The following IGFL2 variants were observed in gnomAD, a reference collection of about 807,000 sequenced individuals.
IGFL2 encodes the protein IGF like family member 2, also known as insulin growth factor-like family member 2.
In IGFL2, 7 loss-of-function variants were observed where a neutral mutation model predicts 13.9. The ratio of observed to expected loss-of-function variants is 0.51; its 90% confidence interval spans 0.29 to 0.95. IGFL2 has a LOEUF of 0.95. Ranked by LOEUF, IGFL2 falls within the 40% of genes least tolerant of loss-of-function variation. The pLI, the probability that IGFL2 is intolerant of heterozygous loss-of-function variation, is 0.08. For synonymous variants in IGFL2, 55 were observed against 55.8 expected (o/e 0.99, Z 0.07); for missense variants, 138 against 147.8 (o/e 0.93, Z 0.34).
chr19:46,202,241 A>G, the IGFL2 span, among the ~76,000 whole-genome samples: 1 of 152,134 alleles, frequency 6.6e-6, no homozygotes, highest in East Asian at 1.9e-4. Context: ...ACCTCAGACC[A>G]TTTGCCCATT....
chr19:46,104,595 A>T, the IGFL2 span, among the ~76,000 whole-genome samples: 1 of 152,186 alleles, frequency 6.6e-6, no homozygotes, highest in African/African-American at 2.4e-5. Context: ...TACCCAGACC[A>T]AGAGGTATTT....
Position 46,161,118 on chromosome 19 carries a change from T to A in IGFL2, c.*30T>A. On this transcript the variant is annotated 3_prime_UTR_variant, in exon 4 of 4. Transcript: ENST00000377693. ...ACATAGAAAGAAAATCAACTTTCAC[T>A]AAGGCATCTCAGAAACATAGGCTAA... The A allele has an allele frequency of 6.4e-7, 1 of 1,557,892 alleles. No homozygotes were observed. Among genetic ancestry groups the A allele is most frequent in the Admixed American group, 1.8e-5 (1 of 54,474 alleles).
chr19:46,168,623 A>C, the IGFL2 span, among the ~76,000 whole-genome samples: 2 of 152,302 alleles, frequency 1.3e-5, no homozygotes, highest in African/African-American at 2.4e-5. Flanking sequence ...CTGTAAACCC[A>C]TGAAAACTGA....
downstream of IGFL2, chr19:46,164,234 C>A (rs1974289341): frequency 6.6e-6 from 1 of 151,944 alleles, no homozygotes; most frequent in African/African-American, 2.4e-5. Flanking sequence ...ATGGAGAACA[C>A]AAACAGGGGT....
chr19:46,207,582 A>T, the IGFL2 span: 2 of 152,114 alleles, frequency 1.3e-5, no homozygotes, highest in Non-Finnish European at 2.9e-5. Context: ...GGGTTTCGTC[A>T]TGTTGGCCAG....
intron 1 of IGFL2, chr19:46,159,079 C>T (rs1010576126): frequency 6.6e-6 from 1 of 152,220 alleles, no homozygotes; most frequent in Non-Finnish European, 1.5e-5. Context: ...ACCACATGCC[C>T]TTTGGATCCT....
chr19:46,206,517 A>G, the IGFL2 span, among the ~76,000 whole-genome samples: 6 of 152,220 alleles, frequency 3.9e-5, no homozygotes, highest in Non-Finnish European at 8.8e-5. Flanking sequence ...ATGCCCGGAC[A>G]GGTAGTCAGT....
the IGFL2 span, among the ~76,000 whole-genome samples, chr19:46,199,801 G>T: frequency 6.6e-6 from 1 of 152,270 alleles, no homozygotes; most frequent in Non-Finnish European, 1.5e-5. Flanking sequence ...ATTGGGAGAT[G>T]TGTTGGGACA....
chr19:46,174,767 A>G, the IGFL2 span, among the ~76,000 whole-genome samples: 2 of 152,178 alleles, frequency 1.3e-5, no homozygotes, highest in Admixed American at 1.3e-4. Context: ...GGTGACTCCA[A>G]CCAAATTCCC....
chr19:46,088,117 C>T, the IGFL2 span, among the ~76,000 whole-genome samples: 1 of 152,322 alleles, frequency 6.6e-6, no homozygotes, highest in South Asian at 2.1e-4. Flanking sequence ...CGGCAGGCCA[C>T]TTCACTTTTC....
At chr19:46,173,850 C>T in the IGFL2 span, 4 of 152,342 alleles carry the variant, frequency 2.6e-5, no homozygotes, top group East Asian at 7.7e-4. Flanking sequence ...GATGCTGTGC[C>T]AGATGTTGTG....
chr19:46,208,475 A>G, the IGFL2 span: 1 of 151,942 alleles, frequency 6.6e-6, no homozygotes, highest in African/African-American at 2.4e-5. Flanking sequence ...AAGGTGTTGC[A>G]TTCTCTCGGA....
At chr19:46,174,617 A>C in the IGFL2 span, among the ~76,000 whole-genome samples, 1 of 152,162 alleles carries the variant, frequency 6.6e-6, no homozygotes, top group African/African-American at 2.4e-5. Context: ...TAAATGTATG[A>C]GGAGTGGGTA....
At chr19:46,163,534 T>G (rs1165273423), downstream of IGFL2, among the ~76,000 whole-genome samples, 1 of 152,218 alleles carries the variant, frequency 6.6e-6, no homozygotes, top group Non-Finnish European at 1.5e-5. Flanking sequence ...CTCCTTGGGT[T>G]GACTGCAGCT....
At chr19:46,141,366 C>G (rs1600867447), upstream of IGFL2, among the ~76,000 whole-genome samples, 2 of 152,152 alleles carry the variant, frequency 1.3e-5, no homozygotes, top group Non-Finnish European at 1.5e-5. Flanking sequence ...CTGTGATAGT[C>G]CCGGGTGTCT....
chr19:46,107,087 A>C, the IGFL2 span, among the ~76,000 whole-genome samples: 4 of 152,168 alleles, frequency 2.6e-5, no homozygotes, highest in Non-Finnish European at 2.9e-5. Context: ...ATGTTGTCCA[A>C]GTTGGCACCA....
intron 1 of IGFL2, among the ~76,000 whole-genome samples, chr19:46,153,839 A>ATATATATATATATATTT (rs1198396702): frequency 2.2e-5 from 3 of 139,356 alleles, no homozygotes; most frequent in African/African-American, 8.1e-5. Flanking sequence ...ATATATATAT[A>ATATATATATATATATTT]TTTTTTTTAC....
At chr19:46,117,605 A>G in the IGFL2 span, among the ~76,000 whole-genome samples, 1 of 152,086 alleles carries the variant, frequency 6.6e-6, no homozygotes, top group Non-Finnish European at 1.5e-5. Flanking sequence ...CAGCCTCTCA[A>G]GTAGCTGGGA....
the IGFL2 span, among the ~76,000 whole-genome samples, chr19:46,123,691 G>GGA: frequency 6.6e-6 from 1 of 150,788 alleles, no homozygotes; most frequent in Non-Finnish European, 1.5e-5. Context: ...TATTTATGCA[G>GGA]GAGGACTGTT....
Sources: gnomAD v4.1 joint callset for allele counts (sites outside exome capture counted in the v4.1 genomes callset) on GRCh38, gnomAD v4.1.1 for gene constraint, MANE v1.5 for transcripts, NCBI Gene and HGNC (gene_info 2026-07-23, HGNC 2026-07-21) for gene names.